Variants in DOCK9 observed in about 807,000 individuals in gnomAD.
DOCK9 encodes the protein dedicator of cytokinesis protein 9.
Under a neutral mutation model 263.3 loss-of-function variants are expected in DOCK9, and 89 were observed. That is an observed-to-expected ratio of 0.34 (90% CI 0.28 to 0.40). The LOEUF is 0.40. Ranked by LOEUF, DOCK9 falls within the 10% of genes least tolerant of loss-of-function variation. DOCK9 has a pLI of 1.00. For synonymous variants in DOCK9, 976 were observed against 973.1 expected, an observed-to-expected ratio of 1.00 and a Z score of -0.06; for missense variants, 2,140 against 2,603.4, an observed-to-expected ratio of 0.82 and a Z score of 3.87.
chr13:98,852,067 G>T (rs568995462), intron 35 of DOCK9, among the ~76,000 whole-genome samples: 1 of 152,202 alleles, frequency 6.6e-6, no homozygotes, highest in South Asian at 2.1e-4. Flanking sequence ...TCAAAAAGCA[G>T]TTATGTTCTT....
intron 1 of DOCK9, among the ~76,000 whole-genome samples, chr13:99,073,963 C>T (rs1460309383): frequency 6.6e-6 from 1 of 152,224 alleles, no homozygotes; most frequent in African/African-American, 2.4e-5. Flanking sequence ...GCTTCAGATC[C>T]TTCACATTCC....
In DOCK9 at chr13:98,918,220, AATTGCAGCACAGGAAGGGGAATCC is replaced by A. The variant is rs1381116296; in HGVS notation, c.717+2710_718-2718del. On this transcript the variant is annotated intron_variant, in intron 7 of 52. Coordinates refer to ENST00000682017, the MANE Select transcript of DOCK9 (RefSeq NM_001366683.2). Reference sequence around the variant, plus strand: ...GCTTTCTGCCTGGAGGCAGTATCTGAATTGCAGCACAGGAAGGGGAATCCAAAAAGAGCCCTGCCATCTTGCTGA... The same window carrying A: ...GCTTTCTGCCTGGAGGCAGTATCTGAAAAAAGAGCCCTGCCATCTTGCTGA... 6.6e-5 allele frequency among the ~76,000 whole-genome samples: 10 copies of A among 152,326 alleles called. No homozygotes were observed. In the East Asian group the frequency reaches 1.7e-3, roughly 26 times the overall value.
At chr13:99,022,225 G>GT (rs1176390108) in intron 1 of DOCK9, among the ~76,000 whole-genome samples, 2 of 152,202 alleles carry the variant, frequency 1.3e-5, no homozygotes, top group Non-Finnish European at 2.9e-5. Flanking sequence ...AGAGGGCACA[G>GT]TGTGGACAGG....
At chr13:98,967,994 C>T (rs1197247968) in intron 1 of DOCK9, among the ~76,000 whole-genome samples, 1 of 151,846 alleles carries the variant, frequency 6.6e-6, no homozygotes, top group Admixed American at 6.6e-5. Flanking sequence ...TATTTTTCCT[C>T]ATCCAGTGAC....
chr13:99,033,890 G>A (rs1887597259), intron 1 of DOCK9, among the ~76,000 whole-genome samples: 1 of 152,032 alleles, frequency 6.6e-6, no homozygotes, highest in Non-Finnish European at 1.5e-5. Flanking sequence ...TATATTTAGA[G>A]AGGAAAAAAT....
intron 1 of DOCK9, among the ~76,000 whole-genome samples, chr13:99,064,604 C>T (rs941226710): frequency 6.6e-6 from 1 of 152,178 alleles, no homozygotes; most frequent in African/African-American, 2.4e-5. Context: ...AATTACCTAA[C>T]TTTATATCCC....
intron 1 of DOCK9, among the ~76,000 whole-genome samples, chr13:98,968,039 T>C (rs1330901501): frequency 6.6e-6 from 1 of 152,130 alleles, no homozygotes; most frequent in Non-Finnish European, 1.5e-5. Context: ...AGTTTGAGGC[T>C]TTTAAGCTAA....
At chr13:98,861,726 G>C (rs970505064) in intron 32 of DOCK9, among the ~76,000 whole-genome samples, 1 of 152,154 alleles carries the variant, frequency 6.6e-6, no homozygotes, top group African/African-American at 2.4e-5. Flanking sequence ...GAGTAAAAAA[G>C]AGCAAAACCA....
chr13:98,897,383 C>T (rs2047600227), intron 15 of DOCK9, 105 bp downstream of exon 15: 1 of 1,423,246 alleles, frequency 7.0e-7, no homozygotes, highest in Admixed American at 2.1e-5. Context: ...TTGCCATCCC[C>T]TCTGATGTCT....
intron 1 of DOCK9, among the ~76,000 whole-genome samples, chr13:98,965,865 T>C (rs1331650285): frequency 6.6e-6 from 1 of 152,194 alleles, no homozygotes. Flanking sequence ...ACACCAACAA[T>C]TAGACATTTG....
chr13:98,977,703 C>T, intron 1 of DOCK9, 81 bp downstream of exon 1: 1 of 1,392,058 alleles, frequency 7.2e-7, no homozygotes, highest in South Asian at 1.5e-5. Context: ...AGACAGGCAA[C>T]AGGCGTCAAC....
chr13:98,853,643 A>C, intron 34 of DOCK9, 121 bp from the exon 35 acceptor site: 1 of 733,568 alleles, frequency 1.4e-6, no homozygotes, highest in East Asian at 2.6e-5. Context: ...TGGAAGGTGC[A>C]AGTAACTTGC....
At chr13:98,917,149 C>G (rs1245114948) in intron 7 of DOCK9, among the ~76,000 whole-genome samples, 6 of 152,060 alleles carry the variant, frequency 3.9e-5, no homozygotes, top group Non-Finnish European at 8.8e-5. Context: ...TGAAATGCAC[C>G]CCGGAGACTA....
intron 1 of DOCK9, among the ~76,000 whole-genome samples, chr13:98,983,970 A>AT (rs1181093080): frequency 6.6e-6 from 1 of 152,180 alleles, no homozygotes; most frequent in African/African-American, 2.4e-5. Flanking sequence ...CAGAAATGTA[A>AT]TCCACATTAT....
chr13:99,015,872 T>G, intron 1 of DOCK9: 2 of 870,686 alleles, frequency 2.3e-6, no homozygotes, highest in African/African-American at 1.7e-5. Flanking sequence ...ACCTTTAAAG[T>G]ATCGTTTTTC....
intron 13 of DOCK9, among the ~76,000 whole-genome samples, 168 bp from the exon 14 acceptor site, chr13:98,898,429 A>G (rs1421028852): frequency 6.6e-6 from 1 of 152,232 alleles, no homozygotes; most frequent in African/African-American, 2.4e-5. Flanking sequence ...CTCTGTGCAG[A>G]GTACTTTATT....
intron 1 of DOCK9, among the ~76,000 whole-genome samples, chr13:99,010,553 AAC>A (rs1342810792): frequency 6.6e-6 from 1 of 152,228 alleles, no homozygotes; most frequent in Non-Finnish European, 1.5e-5. Context: ...GAGTTGAACT[AAC>A]ACAGTCAATT....
intron 45 of DOCK9, among the ~76,000 whole-genome samples, chr13:98,816,907 A>T (rs1464369849): frequency 2.6e-5 from 4 of 152,106 alleles, no homozygotes; most frequent in Admixed American, 2.0e-4. Context: ...GGAGGTGGGA[A>T]GGGATATCTT....
At chr13:98,828,373 A>G (rs373541080) in intron 43 of DOCK9, among the ~76,000 whole-genome samples, 27 of 152,212 alleles carry the variant, frequency 1.8e-4, no homozygotes, top group African/African-American at 6.5e-4. Context: ...GTCATTAAAG[A>G]ATCTTAAATT....
Sources: gnomAD v4.1 joint callset for allele counts (sites outside exome capture counted in the v4.1 genomes callset) on GRCh38, gnomAD v4.1.1 for gene constraint, MANE v1.5 for transcripts, NCBI Gene and HGNC (gene_info 2026-07-23, HGNC 2026-07-21) for gene names.